The following RYR2 variants were observed in gnomAD, a reference collection of about 807,000 sequenced individuals.
RYR2 encodes the protein ryanodine receptor 2, also known as cardiac muscle ryanodine receptor-calcium release channel.
Under a neutral mutation model 601.1 loss-of-function variants are expected in RYR2, and 227 were observed. That is an observed-to-expected ratio of 0.38 (90% CI 0.34 to 0.42). RYR2 has a LOEUF of 0.42. RYR2 is among the 10% of genes least tolerant of loss of function. The pLI is 1.00. For missense variants in RYR2, 4,646 were observed against 6,156.5 expected, an observed-to-expected ratio of 0.75 and a Z score of 8.21; for synonymous variants, 2,223 against 2,175.1, an observed-to-expected ratio of 1.02 and a Z score of -0.61.
Position 237,462,031 on chromosome 1 carries a change from T to C in RYR2, c.1612+5296T>C, listed in dbSNP as rs367717544. Among the ~76,000 whole-genome samples, 89 of 152,308 alleles carry C rather than the reference T, an allele frequency of 5.8e-4. 2 individuals are homozygous for C. The highest frequency in any genetic ancestry group is 2.1e-3 in the African/African-American group (88 of 41,578). ...CATAAGATAGCCACATATACCTAAATATATACTTCAGTTTGTCTGGAAAAG... is the reference window on the plus strand; with the variant it reads ...CATAAGATAGCCACATATACCTAAACATATACTTCAGTTTGTCTGGAAAAG... On this transcript the variant is annotated intron_variant, in intron 16 of 104. Coordinates refer to ENST00000366574, the MANE Select transcript of RYR2 (RefSeq NM_001035.3).
chr1:237,491,893 C>T lies in RYR2; in HGVS notation c.1796C>T (p.Ser599Leu). 7.2e-7 allele frequency: 1 copy of T among 1,384,674 alleles called. No homozygotes were observed. Among genetic ancestry groups the T allele is most frequent in the Non-Finnish European group, 1.0e-6 (1 of 997,640 alleles). The allele number at this position is 1,384,674 out of a possible 1,614,324, so 85.8% of individuals were successfully genotyped here. Residue 599 changes from serine (S) to leucine (L), a missense_variant, in exon 18 of 105, where the codon TCA (serine) becomes TTA (leucine). By Grantham distance (145) the Ser-to-Leu change is moderately radical. Coordinates refer to ENST00000366574, the MANE Select transcript of RYR2 (RefSeq NM_001035.3). ...IKEGHIKSII[S>L]LLDKHGRNHK... ...GAAGGACATATTAAATCTATTATCT[C>T]ACTTTTAGACAAACATGGAAGAAAT...
At chr1:237,816,901 T>C (rs1168269256) in intron 100 of RYR2, among the ~76,000 whole-genome samples, 1 of 152,042 alleles carries the variant, frequency 6.6e-6, no homozygotes, top group Non-Finnish European at 1.5e-5. Context: ...GTCTGTAAGA[T>C]TTTACTTCCA....
chr1:237,577,529 TGTGTGTGCGTGTGTGTGTG>T (rs1673380559), intron 29 of RYR2, among the ~76,000 whole-genome samples: 4 of 63,012 alleles, frequency 6.3e-5, no homozygotes, highest in African/African-American at 8.6e-5. Context: ...TGTGTGTGTG[TGTGTGTGCGTGTGTGTGTG>T]TTTGAGAGAG....
At chr1:237,316,218 G>C (rs916348696) in intron 2 of RYR2, among the ~76,000 whole-genome samples, 2 of 152,102 alleles carry the variant, frequency 1.3e-5, no homozygotes, top group Non-Finnish European at 2.9e-5. Flanking sequence ...TCAGATATGG[G>C]TATTACAGCT....
chr1:237,314,024 C>CA (rs373360513), intron 2 of RYR2, among the ~76,000 whole-genome samples: 647 of 43,656 alleles, frequency 0.015, 5 homozygotes, highest in Non-Finnish European at 0.023. Context: ...AGAAACTCAG[C>CA]AAAAAAAAAA....
At chr1:237,540,715 TA>T (rs61711260) in intron 25 of RYR2, among the ~76,000 whole-genome samples, 2,972 of 130,114 alleles carry the variant, frequency 0.023, 36 homozygotes, top group East Asian at 0.083. Flanking sequence ...TTCAAAATAT[TA>T]AAAAAAAAAA....
intron 90 of RYR2, among the ~76,000 whole-genome samples, chr1:237,785,534 G>A (rs943825849): frequency 2.6e-5 from 4 of 152,178 alleles, no homozygotes; most frequent in African/African-American, 4.8e-5. Context: ...TAACACACAT[G>A]AAGAAACTAG....
chr1:237,791,629 T>C, intron 93 of RYR2, 114 bp downstream of exon 93: 5 of 640,390 alleles, frequency 7.8e-6, no homozygotes, highest in East Asian at 2.8e-5. Context: ...AAACCTATTA[T>C]GAAATACTGG....
intron 61 of RYR2, 101 bp downstream of exon 61, chr1:237,678,213 TG>T: frequency 3.0e-6 from 2 of 659,616 alleles, no homozygotes; most frequent in Non-Finnish European, 5.5e-6. Context: ...TCTACAAATG[TG>T]TATTTTACTG....
intron 1 of RYR2, among the ~76,000 whole-genome samples, chr1:237,252,422 G>A (rs1477255311): frequency 6.6e-6 from 1 of 152,084 alleles, no homozygotes; most frequent in Non-Finnish European, 1.5e-5. Context: ...CGACCATCCT[G>A]TAATATATCC....
At chr1:237,685,857 TAAG>T (rs1686343259) in intron 62 of RYR2, among the ~76,000 whole-genome samples, 2 of 152,078 alleles carry the variant, frequency 1.3e-5, no homozygotes, top group South Asian at 4.1e-4. Flanking sequence ...TTTGTTCTGA[TAAG>T]AAATTCCCCA....
intron 1 of RYR2, among the ~76,000 whole-genome samples, chr1:237,058,194 G>A (rs1313569349): frequency 6.6e-6 from 1 of 152,148 alleles, no homozygotes; most frequent in Non-Finnish European, 1.5e-5. Flanking sequence ...TCAGTCTAGG[G>A]ATATATTGGA....
At chr1:237,638,323 A>T in intron 44 of RYR2, 34 bp from the exon 45 acceptor site, 1 of 1,613,258 alleles carries the variant, frequency 6.2e-7, no homozygotes, top group Non-Finnish European at 8.5e-7. Context: ...TTTTCAGCCA[A>T]GGGATAACTC....
intron 10 of RYR2, among the ~76,000 whole-genome samples, chr1:237,410,476 C>A (rs750068227): frequency 6.6e-6 from 1 of 152,094 alleles, no homozygotes; most frequent in African/African-American, 2.4e-5. Context: ...GTAGAATATT[C>A]TAGATCTAAG....
chr1:237,499,133 C>T (rs879599391), intron 20 of RYR2, among the ~76,000 whole-genome samples: 4 of 151,988 alleles, frequency 2.6e-5, no homozygotes, highest in Admixed American at 6.6e-5. Flanking sequence ...CAGGATAGAG[C>T]ACCTTCTCTG....
chr1:237,542,318 C>G (rs1669378996), intron 25 of RYR2, among the ~76,000 whole-genome samples: 1 of 152,036 alleles, frequency 6.6e-6, no homozygotes, highest in Non-Finnish European at 1.5e-5. Context: ...GTCTCAAACT[C>G]CCGACCTTAG....
chr1:237,797,287 A>G (rs1447081744), intron 96 of RYR2, among the ~76,000 whole-genome samples: 1 of 151,512 alleles, frequency 6.6e-6, no homozygotes, highest in African/African-American at 2.4e-5. Context: ...GGGATTGTTA[A>G]GAATTATTCT....
chr1:237,294,577 A>G (rs1692562945), intron 2 of RYR2, among the ~76,000 whole-genome samples: 1 of 152,226 alleles, frequency 6.6e-6, no homozygotes, highest in African/African-American at 2.4e-5. Flanking sequence ...CAGAAACACT[A>G]TTACATATTT....
intron 1 of RYR2, among the ~76,000 whole-genome samples, chr1:237,259,530 A>AT (rs1688311437): frequency 3.3e-5 from 1 of 30,226 alleles, no homozygotes; most frequent in Non-Finnish European, 7.3e-5. Flanking sequence ...TAGACCATTT[A>AT]AAAAAAAAAA....
Sources: allele counts gnomAD v4.1 joint callset (sites outside exome capture counted in the v4.1 genomes callset), GRCh38; gene constraint gnomAD v4.1.1; transcripts MANE v1.5; gene names NCBI Gene and HGNC (gene_info 2026-07-23, HGNC 2026-07-21).